The following ABHD2 variants were observed in gnomAD, a reference collection of about 807,000 sequenced individuals.
The protein encoded by ABHD2 is monoacylglycerol lipase ABHD2.
A neutral mutation model predicts 48.1 loss-of-function variants in ABHD2; 20 were observed. The ratio of observed to expected loss-of-function variants is 0.42; its 90% CI spans 0.29 to 0.60. The LOEUF (loss-of-function observed/expected upper bound fraction) is 0.60, where lower values mean the gene tolerates loss of function less well. ABHD2 is among the 20% of genes least tolerant of loss of function. The pLI is 0.24. For missense variants in ABHD2, 405 were observed against 550.9 expected, an observed-to-expected ratio of 0.74 and a Z score of 2.65; for synonymous variants, 209 against 214.2, an observed-to-expected ratio of 0.98 and a Z score of 0.21.
the ABHD2 span, among the ~76,000 whole-genome samples, chr15:89,059,693 C>T: frequency 6.6e-6 from 1 of 152,110 alleles, no homozygotes; most frequent in Non-Finnish European, 1.5e-5. Context: ...GGTTCGAGGG[C>T]AGTAATTGAT....
At chr15:89,068,877 T>C in the ABHD2 span, among the ~76,000 whole-genome samples, 17 of 145,266 alleles carry the variant, frequency 1.2e-4, no homozygotes, top group East Asian at 3.8e-3. Context: ...CAAGTGATTC[T>C]CCTGCCTCAG....
At chr15:89,183,134 T>A (rs1478089656) in intron 6 of ABHD2, among the ~76,000 whole-genome samples, 1 of 151,978 alleles carries the variant, frequency 6.6e-6, no homozygotes, top group East Asian at 1.9e-4. Context: ...TAGCAATAAT[T>A]CCCTAATAGC....
At chr15:89,055,429 C>T in the ABHD2 span, among the ~76,000 whole-genome samples, 1 of 150,574 alleles carries the variant, frequency 6.6e-6, no homozygotes. Flanking sequence ...TGGACTCAAG[C>T]GATCCTCTCT....
Position 89,092,269 on chromosome 15 carries a change from A to G in ABHD2, c.-107+3706A>G, listed in dbSNP as rs1901626309. Among the ~76,000 whole-genome samples the G allele has an allele frequency of 6.6e-6, 1 of 152,170 alleles. No individual in the cohort carries two copies. Among genetic ancestry groups the G allele is most frequent in the Non-Finnish European group, 1.5e-5 (1 of 68,028 alleles). On this transcript the variant is annotated intron_variant, in intron 1 of 10. Transcript: ENST00000352732. The surrounding 1 kb of genome is among the most constrained non-coding windows in gnomAD (Gnocchi z 4.4). Reference sequence around the variant, plus strand: ...TTCACAATAAATAGCAGACAGGTGAAGAGCTTTTTAGAGAAGTGGAACGTT... The same window carrying G: ...TTCACAATAAATAGCAGACAGGTGAGGAGCTTTTTAGAGAAGTGGAACGTT...
rs577405912 is a variant in ABHD2 at position 89,122,536 on chromosome 15, G to C, written c.194+6015G>C. On this transcript the variant is annotated intron_variant, in intron 3 of 10. Coordinates refer to ENST00000352732, the MANE Select transcript of ABHD2 (RefSeq NM_152924.5). ...GGGAATCAGGTGTACCTTCAGCTCT[G>C]ACAGAGCTTTGTTGATCTGGGAAGG... is the stretch of plus-strand genomic sequence containing the variant. Among the ~76,000 whole-genome samples, 3 of 152,346 alleles carry C rather than the reference G, an allele frequency of 2.0e-5. No individual in the cohort carries two copies. In the South Asian group the frequency reaches 6.2e-4, roughly 32 times the overall value.
chr15:89,066,266 G>A, the ABHD2 span, among the ~76,000 whole-genome samples: 1 of 152,182 alleles, frequency 6.6e-6, no homozygotes, highest in Non-Finnish European at 1.5e-5. Context: ...GGGGTATGAA[G>A]GAGGATCCCT....
chr15:89,133,553 G>T (rs940253857), intron 3 of ABHD2, among the ~76,000 whole-genome samples: 1 of 152,190 alleles, frequency 6.6e-6, no homozygotes, highest in Non-Finnish European at 1.5e-5. Context: ...AATCTGGTAG[G>T]TGAAAAATGT....
rs181889029 is a variant in ABHD2 at position 89,165,824 on chromosome 15, T to G, written c.539-9988T>G. On this transcript the variant is annotated intron_variant, in intron 5 of 10. Coordinates refer to ENST00000352732, the MANE Select transcript of ABHD2 (RefSeq NM_152924.5). Reference sequence around the variant, plus strand: ...TTGACCTTCTAAACTAAACAATGTTTGGAATGTGAGTGTTTTTGTCAGTGA... The same window carrying G: ...TTGACCTTCTAAACTAAACAATGTTGGGAATGTGAGTGTTTTTGTCAGTGA... 1.8e-4 allele frequency among the ~76,000 whole-genome samples: 28 copies of G among 152,362 alleles called. No individual in the cohort carries two copies. The East Asian group carries it at 5.2e-3, about 28-fold the overall frequency.
chr15:89,181,393 A>G (rs953691527), intron 6 of ABHD2, among the ~76,000 whole-genome samples: 3 of 152,124 alleles, frequency 2.0e-5, no homozygotes, highest in African/African-American at 7.2e-5. Flanking sequence ...ATGGGAAAGT[A>G]CTTAATGTAC....
At chr15:89,076,295 C>T in the ABHD2 span, among the ~76,000 whole-genome samples, 2 of 152,164 alleles carry the variant, frequency 1.3e-5, no homozygotes, top group Admixed American at 6.5e-5. Flanking sequence ...CAATCCATGG[C>T]CAATCTTTCA....
the ABHD2 span, among the ~76,000 whole-genome samples, chr15:89,067,146 A>C: frequency 6.6e-6 from 1 of 152,240 alleles, no homozygotes; most frequent in African/African-American, 2.4e-5. Flanking sequence ...ACAAGAGTGC[A>C]TAAAGTGGGA....
intron 9 of ABHD2, among the ~76,000 whole-genome samples, chr15:89,191,632 T>TC (rs1300900923): frequency 6.7e-6 from 1 of 148,938 alleles, no homozygotes; most frequent in African/African-American, 2.5e-5. Context: ...TTTTTCTTTT[T>TC]TTTTTTTTTT....
the ABHD2 span, among the ~76,000 whole-genome samples, chr15:89,081,424 C>A: frequency 6.6e-6 from 1 of 151,986 alleles, no homozygotes; most frequent in Non-Finnish European, 1.5e-5. Context: ...CCCCTTTTGG[C>A]CATTATGAAT....
intron 3 of ABHD2, chr15:89,136,105 T>TTC: frequency 5.0e-6 from 1 of 199,760 alleles, no homozygotes; most frequent in Non-Finnish European, 1.0e-5. Flanking sequence ...TTTTTTTTTT[T>TTC]TTCAGTAGAG....
At chr15:89,077,831 T>A in the ABHD2 span, among the ~76,000 whole-genome samples, 5 of 152,198 alleles carry the variant, frequency 3.3e-5, no homozygotes, top group Non-Finnish European at 5.9e-5. Flanking sequence ...TCTTTCTCTC[T>A]GAAACTTGTC....
At chr15:89,127,728 T>C (rs931114845) in intron 3 of ABHD2, among the ~76,000 whole-genome samples, 2 of 144,632 alleles carry the variant, frequency 1.4e-5, no homozygotes, top group Non-Finnish European at 3.0e-5. Context: ...TACACATATA[T>C]ATATATATAT....
rs752395950 is a variant in ABHD2 at position 89,164,699 on chromosome 15, C to T, written c.538+9165C>T. ...ACCTGGGAGGCAAAGGCAGGAGAAT[C>T]GCTTGAGCCCAGGAGTGCAGTGAGC... On this transcript the variant is annotated intron_variant, in intron 5 of 10. Coordinates refer to ENST00000352732, the MANE Select transcript of ABHD2 (RefSeq NM_152924.5). The surrounding 1 kb of genome is among the most constrained non-coding windows in gnomAD (Gnocchi z 5.0). 1.3e-5 allele frequency among the ~76,000 whole-genome samples: 2 copies of T among 151,850 alleles called. No homozygotes were observed. Among genetic ancestry groups the T allele is most frequent in the African/African-American group, 2.4e-5 (1 of 41,294 alleles).
intron 3 of ABHD2, among the ~76,000 whole-genome samples, chr15:89,149,027 A>G (rs1456202330): frequency 2.0e-5 from 3 of 152,188 alleles, no homozygotes; most frequent in African/African-American, 7.2e-5. Context: ...GAACCCCACC[A>G]TAGTAAATGC....
At chr15:89,048,041 T>G in the ABHD2 span, among the ~76,000 whole-genome samples, 1 of 151,998 alleles carries the variant, frequency 6.6e-6, no homozygotes, top group African/African-American at 2.4e-5. Context: ...TGGTACCGGT[T>G]GTTCCTTTCC....
Sources: gnomAD v4.1 joint callset for allele counts (sites outside exome capture counted in the v4.1 genomes callset) on GRCh38, gnomAD v4.1.1 for gene constraint, Gnocchi (gnomAD v3.1) non-coding constraint, MANE v1.5 for transcripts, NCBI Gene and HGNC (gene_info 2026-07-23, HGNC 2026-07-21) for gene names.